The following ASCC3 variants were observed in gnomAD, a reference collection of about 807,000 sequenced individuals.
ASCC3 encodes the protein activating signal cointegrator 1 complex subunit 3.
In ASCC3, 158 loss-of-function variants were observed where a neutral mutation model predicts 256.3. The ratio of observed to expected loss-of-function variants is 0.62; its 90% CI spans 0.54 to 0.70. The LOEUF is 0.70. Among genes scored for constraint, ASCC3 ranks in the 30% least tolerant of loss-of-function variants. The probability of loss-of-function intolerance (pLI) is 0.00; values close to 1 mark genes in which losing one functional copy is unlikely to be tolerated. For synonymous variants in ASCC3, 948 were observed against 883.4 expected (o/e 1.07, Z -1.30); for missense variants, 2,259 against 2,626.0 (o/e 0.86, Z 3.05).
At chr6:100,666,803 TAAG>T (rs983007256) in intron 14 of ASCC3, among the ~76,000 whole-genome samples, 62 of 152,174 alleles carry the variant, frequency 4.1e-4, no homozygotes, top group African/African-American at 1.2e-3. Context: ...TTTACATTCC[TAAG>T]AAGAGTACCT....
intron 15 of ASCC3, 107 bp from the exon 16 acceptor site, chr6:100,662,137 T>C (rs1226028323): frequency 1.7e-6 from 2 of 1,202,560 alleles, no homozygotes; most frequent in Admixed American, 1.9e-5. Context: ...AAAAGTGTAC[T>C]TTAACTAATC....
Position 100,731,695 on chromosome 6 carries a change from T to TAAA in ASCC3, c.1738-5993_1738-5992insTTT, listed in dbSNP as rs1205845776. ...TAGAGAACAGGTTTCCTTCATTTAT[T>TAAA]GTAAAGTTGTGTTTTTCAAATCGGA... is the stretch of plus-strand genomic sequence containing the variant. On this transcript the variant is annotated intron_variant, in intron 10 of 41. Transcript: ENST00000369162. Among the ~76,000 whole-genome samples, 8 of 152,340 alleles carry TAAA rather than the reference T, an allele frequency of 5.3e-5. No individual in the cohort carries two copies. The East Asian group carries it at 1.5e-3, about 29-fold the overall frequency.
chr6:100,742,987 A>G (rs146678115), intron 10 of ASCC3, among the ~76,000 whole-genome samples: 1 of 152,286 alleles, frequency 6.6e-6, no homozygotes, highest in East Asian at 1.9e-4. Context: ...AGGCCATACT[A>G]TGCAAAAGTC....
intron 36 of ASCC3, among the ~76,000 whole-genome samples, chr6:100,554,721 C>A (rs1769481116): frequency 1.3e-5 from 2 of 152,044 alleles, no homozygotes; most frequent in Admixed American, 1.3e-4. Flanking sequence ...TGTTTAATTT[C>A]TGAAGTATTA....
At chr6:100,859,674 A>G (rs534865392) in intron 3 of ASCC3, among the ~76,000 whole-genome samples, 1 of 152,154 alleles carries the variant, frequency 6.6e-6, no homozygotes, top group East Asian at 1.9e-4. Flanking sequence ...GCCTTAAACC[A>G]TACTTTGTAA....
At chr6:100,703,969 A>G (rs1001302009) in intron 13 of ASCC3, among the ~76,000 whole-genome samples, 10 of 151,676 alleles carry the variant, frequency 6.6e-5, no homozygotes, top group Middle Eastern at 3.5e-3. Flanking sequence ...TCTTATATAT[A>G]GGAAAGTTTT....
intron 4 of ASCC3, among the ~76,000 whole-genome samples, chr6:100,830,146 C>A (rs1028815278): frequency 6.6e-6 from 1 of 151,774 alleles, no homozygotes; most frequent in African/African-American, 2.4e-5. Context: ...GCTGAAACCA[C>A]AGAAAGCAAA....
Position 100,512,804 on chromosome 6 carries a change from C to G in ASCC3, c.6190G>C (p.Asp2064His). The change falls in exon 40 of 42, where the codon GAC becomes CAC. Residue 2064 changes from aspartate to histidine, a missense_variant. Physicochemically the swap from Asp to His is moderately conservative, Grantham distance 81. Around this residue, in one of 2 missense-constraint regions of ASCC3, gnomAD observed 1,839 missense variants for 2,206.7 expected, o/e 0.83. Coordinates refer to ENST00000369162, the MANE Select transcript of ASCC3 (RefSeq NM_006828.4). ...NELSVSTLTA[D>H]KRDDNKWIKL... is the part of the protein sequence containing the mutation. Reference sequence around the variant, plus strand: ...ATCCATTTGTTGTCATCTCGTTTGTCTGCAGTCAGAGTTGAGACAGAGAGT... The same window carrying G: ...ATCCATTTGTTGTCATCTCGTTTGTGTGCAGTCAGAGTTGAGACAGAGAGT... The G allele has an allele frequency of 6.2e-7, 1 of 1,614,132 alleles. No homozygotes were observed. The highest frequency in any genetic ancestry group is 8.5e-7 in the Non-Finnish European group (1 of 1,179,996).
intron 30 of ASCC3, among the ~76,000 whole-genome samples, chr6:100,609,843 G>C (rs1773304225): frequency 6.6e-6 from 1 of 152,146 alleles, no homozygotes; most frequent in South Asian, 2.1e-4. Flanking sequence ...CCGGGATGCA[G>C]AGGTTGCAGT....
At chr6:100,833,205 A>G (rs1445343875) in intron 4 of ASCC3, among the ~76,000 whole-genome samples, 1 of 152,158 alleles carries the variant, frequency 6.6e-6, no homozygotes, top group Non-Finnish European at 1.5e-5. Flanking sequence ...ACCAATCTGA[A>G]AAGGCAACAT....
chr6:100,817,185 C>T (rs571078028), intron 4 of ASCC3, among the ~76,000 whole-genome samples: 1 of 151,472 alleles, frequency 6.6e-6, no homozygotes, highest in Non-Finnish European at 1.5e-5. Flanking sequence ...AATCAGTAAC[C>T]AAAAACATTG....
chr6:100,625,499 A>T (rs1774183613), intron 29 of ASCC3, among the ~76,000 whole-genome samples, 165 bp from the exon 30 acceptor site: 1 of 152,110 alleles, frequency 6.6e-6, no homozygotes, highest in African/African-American at 2.4e-5. Context: ...TATTAGACAG[A>T]TAATAGGAAA....
At chr6:100,716,407 C>G (rs1779089062) in intron 12 of ASCC3, among the ~76,000 whole-genome samples, 1 of 151,838 alleles carries the variant, frequency 6.6e-6, no homozygotes, top group African/African-American at 2.4e-5. Context: ...AGCCTATTAT[C>G]TCTCCACTTA....
At chr6:100,787,539 T>C (rs1472299) in intron 8 of ASCC3, among the ~76,000 whole-genome samples, 142,975 of 152,094 alleles carry the variant, frequency 0.94, 67,521 homozygotes, top group South Asian at 0.99. Flanking sequence ...ACGATTCATA[T>C]GGAAAATCGA....
chr6:100,530,557 C>A, intron 37 of ASCC3: 1 of 784,020 alleles, frequency 1.3e-6, no homozygotes. Flanking sequence ...GATGGCCTGG[C>A]ACTCAATCCA....
intron 10 of ASCC3, among the ~76,000 whole-genome samples, chr6:100,750,591 C>T (rs566508797): frequency 2.1e-4 from 32 of 152,104 alleles, no homozygotes; most frequent in African/African-American, 7.7e-4. Flanking sequence ...TCCTTAAAAA[C>T]CATTCCTGTA....
intron 10 of ASCC3, among the ~76,000 whole-genome samples, chr6:100,747,641 G>A (rs1000043276): frequency 7.2e-5 from 11 of 151,974 alleles, no homozygotes; most frequent in African/African-American, 1.7e-4. Context: ...AAATGTATAC[G>A]CTGTGTGACT....
chr6:100,731,232 C>G (rs746348846), intron 10 of ASCC3, among the ~76,000 whole-genome samples: 32 of 152,104 alleles, frequency 2.1e-4, no homozygotes, highest in Non-Finnish European at 4.4e-4. Context: ...TAAAAAAATA[C>G]TTTCCAGACT....
At chr6:100,805,638 G>C in intron 5 of ASCC3, 122 bp downstream of exon 5, 1 of 1,173,750 alleles carries the variant, frequency 8.5e-7, no homozygotes, top group South Asian at 1.5e-5. Flanking sequence ...CTATTTAACA[G>C]AGTAATATCA....
Sources: allele counts gnomAD v4.1 joint callset (sites outside exome capture counted in the v4.1 genomes callset), GRCh38; gene constraint gnomAD v4.1.1; regional missense constraint gnomAD v4.1.1; transcripts MANE v1.5; gene names NCBI Gene and HGNC (gene_info 2026-07-23, HGNC 2026-07-21).